Variants in CORO2B observed in about 807,000 individuals in gnomAD.
The protein encoded by CORO2B is coronin 2B, also known as coronin-2B.
CORO2B carries 26 observed loss-of-function variants against 58.8 expected under a neutral mutation model. The observed-to-expected ratio is 0.44, with a 90% CI of 0.32 to 0.61. CORO2B has a LOEUF of 0.61. CORO2B is among the 20% of genes least tolerant of loss of function. The pLI is 0.04. For missense variants in CORO2B, 460 were observed against 645.1 expected (o/e 0.71, Z 3.11); for synonymous variants, 242 against 253.8 (o/e 0.95, Z 0.44).
chr15:68,590,790 C>G (rs1441717126), intron 1 of CORO2B, among the ~76,000 whole-genome samples: 3 of 152,070 alleles, frequency 2.0e-5, no homozygotes, highest in African/African-American at 7.2e-5. Flanking sequence ...GCAAATGAGG[C>G]AGGAGGGAGA....
upstream of CORO2B, among the ~76,000 whole-genome samples, chr15:68,577,450 G>A (rs1899309291): frequency 6.6e-6 from 1 of 152,136 alleles, no homozygotes; most frequent in Non-Finnish European, 1.5e-5. Context: ...AGGGCCGGGG[G>A]CGGTTGCTCA....
At chr15:68,630,333 T>C (rs1314913209) in intron 1 of CORO2B, among the ~76,000 whole-genome samples, 1 of 152,164 alleles carries the variant, frequency 6.6e-6, no homozygotes, top group African/African-American at 2.4e-5. Context: ...GTGCAACTTT[T>C]CCGGCAACTG....
chr15:68,726,499 C>G lies in CORO2B; in HGVS notation c.*525C>G, dbSNP rs998628469. The G allele has an allele frequency of 6.0e-6, 1 of 166,382 alleles. No individual in the cohort carries two copies. Among genetic ancestry groups the G allele is most frequent in the Non-Finnish European group, 1.3e-5 (1 of 77,584 alleles). 10.3% of individuals were successfully genotyped at this position (166,382 alleles called of 1,614,324 possible). On this transcript the variant is annotated 3_prime_UTR_variant, in exon 12 of 12. Coordinates refer to ENST00000261861, the MANE Select transcript of CORO2B (RefSeq NM_006091.5). ...AGCCCCGGAAGCCTGCCTCACCCGACGAGGACAGCGAGCGGCCCGGCTCCT... is the reference window on the plus strand; with the variant it reads ...AGCCCCGGAAGCCTGCCTCACCCGAGGAGGACAGCGAGCGGCCCGGCTCCT...
At chr15:68,550,621 C>T in the CORO2B span, among the ~76,000 whole-genome samples, 4 of 152,220 alleles carry the variant, frequency 2.6e-5, no homozygotes, top group Admixed American at 1.3e-4. Flanking sequence ...CTGTCGCCCC[C>T]GAGTTCTGGG....
chr15:68,683,616 G>A, intron 2 of CORO2B, among the ~76,000 whole-genome samples: 1 of 152,102 alleles, frequency 6.6e-6, no homozygotes, highest in East Asian at 1.9e-4. Flanking sequence ...ACTGGATATT[G>A]GGAGCCTCAC....
intron 1 of CORO2B, among the ~76,000 whole-genome samples, chr15:68,638,938 TAGGCCTCAGCCTGA>T: frequency 6.6e-6 from 1 of 152,214 alleles, no homozygotes; most frequent in East Asian, 1.9e-4. Flanking sequence ...AGGGACTCAC[TAGGCCTCAGCCTGA>T]CAGCAGTACT....
chr15:68,625,447 A>G (rs978895509), intron 1 of CORO2B, among the ~76,000 whole-genome samples: 1 of 152,102 alleles, frequency 6.6e-6, no homozygotes, highest in Non-Finnish European at 1.5e-5. Context: ...CTTTGTGGTC[A>G]GGCCCTCCTC....
chr15:68,563,053 G>A, the CORO2B span, among the ~76,000 whole-genome samples: 1 of 151,594 alleles, frequency 6.6e-6, no homozygotes, highest in Admixed American at 6.6e-5. Flanking sequence ...GAAAACAGTG[G>A]TTAGAAGGAA....
intron 1 of CORO2B, among the ~76,000 whole-genome samples, chr15:68,596,455 A>G (rs1022598055): frequency 6.6e-6 from 1 of 152,036 alleles, no homozygotes; most frequent in Non-Finnish European, 1.5e-5. Context: ...CTGAGAGAGA[A>G]GCAATTTTGA....
the CORO2B span, among the ~76,000 whole-genome samples, chr15:68,571,764 T>C: frequency 6.6e-6 from 1 of 152,216 alleles, no homozygotes; most frequent in Non-Finnish European, 1.5e-5. Context: ...GAACAGGAGT[T>C]TGAAACATCT....
intron 3 of CORO2B, among the ~76,000 whole-genome samples, chr15:68,709,156 A>G (rs1252128974): frequency 6.6e-6 from 1 of 152,050 alleles, no homozygotes; most frequent in African/African-American, 2.4e-5. Flanking sequence ...ATGCATGGAG[A>G]TTTTTTGCTT....
intron 3 of CORO2B, among the ~76,000 whole-genome samples, chr15:68,698,483 A>C (rs953155228): frequency 6.6e-6 from 1 of 152,180 alleles, no homozygotes; most frequent in Non-Finnish European, 1.5e-5. Flanking sequence ...TGTAAACAAG[A>C]CATCCATGGT....
the CORO2B span, among the ~76,000 whole-genome samples, chr15:68,533,915 C>A: frequency 6.6e-6 from 1 of 152,152 alleles, no homozygotes; most frequent in East Asian, 1.9e-4. Flanking sequence ...CTCCTTACAT[C>A]CTCATGTTCA....
intron 8 of CORO2B, among the ~76,000 whole-genome samples, chr15:68,716,131 A>G (rs551678887): frequency 2.0e-5 from 3 of 152,312 alleles, no homozygotes; most frequent in Admixed American, 2.0e-4. Flanking sequence ...AAACCAAAAG[A>G]TGTCCGAAGT....
intron 1 of CORO2B, among the ~76,000 whole-genome samples, chr15:68,637,383 G>T (rs1390191877): frequency 6.6e-6 from 1 of 152,232 alleles, no homozygotes; most frequent in Non-Finnish European, 1.5e-5. Context: ...ACCTTTCCCG[G>T]GTGGAGGGGG....
chr15:68,657,538 GA>G (rs763470803), intron 2 of CORO2B, among the ~76,000 whole-genome samples: 2 of 127,386 alleles, frequency 1.6e-5, no homozygotes, highest in Non-Finnish European at 3.5e-5. Context: ...AAAAAAAAAG[GA>G]AATACAGTTA....
Position 68,637,286 on chromosome 15 carries a change from C to T in CORO2B, c.16-7874C>T, listed in dbSNP as rs566184167. The stretch of plus-strand genomic sequence containing the variant: ...CCTGGAGTCCACTGGGAATTACTGC[C>T]CAGGCTGGCGAGCCCCTCGGGACTG... On this transcript the variant is annotated intron_variant, in intron 1 of 11. Coordinates refer to ENST00000261861, the MANE Select transcript of CORO2B (RefSeq NM_006091.5). Among the ~76,000 whole-genome samples, 3 of 152,288 alleles carry T rather than the reference C, an allele frequency of 2.0e-5. No homozygotes were observed. The South Asian group carries it at 6.2e-4, about 32-fold the overall frequency.
intron 1 of CORO2B, among the ~76,000 whole-genome samples, chr15:68,636,262 T>G (rs1336826571): frequency 1.3e-5 from 2 of 152,122 alleles, no homozygotes; most frequent in Non-Finnish European, 2.9e-5. Flanking sequence ...GTGACCATCC[T>G]AGGGGAGGTA....
Position 68,719,368 on chromosome 15 carries a change from A to G in CORO2B, c.1172-45A>G, listed in dbSNP as rs149299229. On this transcript the variant is annotated intron_variant, in intron 10 of 11. Coordinates refer to ENST00000261861, the MANE Select transcript of CORO2B (RefSeq NM_006091.5). Reference sequence around the variant, plus strand: ...CCAGCCTGCTGGACCATCACCTGACAGTCCATGGGATCGTCAGTGAGAGCG... The same window carrying G: ...CCAGCCTGCTGGACCATCACCTGACGGTCCATGGGATCGTCAGTGAGAGCG... 30 of 1,606,296 alleles carry G rather than the reference A, an allele frequency of 1.9e-5. No individual in the cohort carries two copies. In the African/African-American group the frequency reaches 3.5e-4, roughly 19 times the overall value.
Sources: gnomAD v4.1 joint callset for allele counts (sites outside exome capture counted in the v4.1 genomes callset) on GRCh38, gnomAD v4.1.1 for gene constraint, MANE v1.5 for transcripts, NCBI Gene and HGNC (gene_info 2026-07-23, HGNC 2026-07-21) for gene names.